SPATS2: variants seen among roughly 807,000 people sequenced by gnomAD.
SPATS2 encodes spermatogenesis associated serine rich 2.
Under a neutral mutation model 63.7 loss-of-function variants are expected in SPATS2, and 38 were observed. The observed-to-expected ratio is 0.60, with a 90% CI of 0.46 to 0.78. The LOEUF is 0.78. Among genes scored for constraint, SPATS2 ranks in the 30% least tolerant of loss-of-function variants. The pLI is 0.00. For synonymous variants in SPATS2, 207 were observed against 232.9 expected (o/e 0.89, Z 1.01); for missense variants, 588 against 666.2 (o/e 0.88, Z 1.29).
At chr12:49,430,322 G>A (rs1565717845) in intron 2 of SPATS2, among the ~76,000 whole-genome samples, 1 of 151,474 alleles carries the variant, frequency 6.6e-6, no homozygotes, top group African/African-American at 2.4e-5. Flanking sequence ...GGCTGGTCTC[G>A]AACCCCTGAC....
At position 49,526,176 on chromosome 12, in the gene SPATS2, G is replaced by C. The variant is rs1947031571; in HGVS notation, c.1559G>C (p.Ser520Thr). 1.2e-6 allele frequency: 2 copies of C among 1,614,044 alleles called. No individual in the cohort carries two copies. Among genetic ancestry groups the C allele is most frequent in the South Asian group, 2.2e-5 (2 of 91,084 alleles). ...GGAACTGGAGTCAGCATGGAGCCCA[G>C]CCCTCCCACGCCTTCATTCAAAAAG... ...TNGTGVSMEP[S>T]PPTPSFKKGL... The change falls in exon 14 of 14, where the codon AGC becomes ACC. Residue 520 changes from serine to threonine, a missense_variant. Ser to Thr is a moderately conservative substitution (Grantham distance 58, BLOSUM62 1). Transcript: ENST00000552918.
chr12:49,526,289 C>T lies in SPATS2; in HGVS notation c.*34C>T, dbSNP rs1947034994. On this transcript the variant is annotated 3_prime_UTR_variant, in exon 14 of 14. Coordinates refer to ENST00000552918, the MANE Select transcript of SPATS2 (RefSeq NM_023071.4). ...CCAGTTGGCCTCTCTCCTCTATCCA[C>T]ACAATTCAACTTGATAACTGGACTT... The T allele has an allele frequency of 6.5e-7, 1 of 1,547,768 alleles. No homozygotes were observed. The highest frequency in any genetic ancestry group is 8.7e-7 in the Non-Finnish European group (1 of 1,149,986).
intron 2 of SPATS2, among the ~76,000 whole-genome samples, chr12:49,427,230 C>T (rs934728195): frequency 1.3e-5 from 2 of 152,148 alleles, no homozygotes; most frequent in African/African-American, 4.8e-5. Context: ...AAATAGTTAT[C>T]AAATATATAT....
In SPATS2 at chr12:49,469,401, AAAAAAAAAAAAAG is replaced by A. The variant is rs571486814; in HGVS notation, c.25+8365_25+8377del. Reference sequence around the variant, plus strand: ...TGAGACTCTGTCTCAAAAAAAAAAAAAAAAAAAAAAAAGCCAGGCATGGTGGTGTGTGCCTGTA... The same window carrying A: ...TGAGACTCTGTCTCAAAAAAAAAAAACCAGGCATGGTGGTGTGTGCCTGTA... On this transcript the variant is annotated intron_variant, in intron 3 of 13. Transcript: ENST00000552918. 523 of 261,014 alleles carry A rather than the reference AAAAAAAAAAAAAG, an allele frequency of 2.0e-3. 2 individuals are homozygous for A. Among genetic ancestry groups the A allele is most frequent in the South Asian group, 0.018 (486 of 27,518 alleles). 16.2% of individuals were successfully genotyped at this position (261,014 alleles called of 1,614,324 possible).
Position 49,494,866 on chromosome 12 carries a change from T to C in SPATS2, c.390T>C (p.Asn130=), listed in dbSNP as rs1946438906. The C allele has an allele frequency of 1.2e-6, 2 of 1,614,050 alleles. No individual in the cohort carries two copies. The highest frequency in any genetic ancestry group is 2.2e-5 in the East Asian group (1 of 44,880). Residue 130 remains asparagine, a synonymous_variant, in exon 7 of 14, where the codon AAT becomes AAC. Transcript: ENST00000552918. ...CTTCCTCAGAGAAAGGTGGTATGAATGGCTACCATGTCAATGGTGCCATCA... is the reference window on the plus strand; with the variant it reads ...CTTCCTCAGAGAAAGGTGGTATGAACGGCTACCATGTCAATGGTGCCATCA... ...SAPSSEKGGM[N]GYHVNGAIND...
chr12:49,518,231 C>A (rs889998352), intron 10 of SPATS2, among the ~76,000 whole-genome samples: 2 of 152,194 alleles, frequency 1.3e-5, no homozygotes, highest in Admixed American at 1.3e-4. Context: ...ATAGCAGAGT[C>A]CCTTCCCTGG....
Position 49,525,927 on chromosome 12 carries a change from T to C in SPATS2, c.1327-17T>C. 1 of 1,608,936 alleles carries C rather than the reference T, an allele frequency of 6.2e-7. No individual in the cohort carries two copies. Among genetic ancestry groups the C allele is most frequent in the Non-Finnish European group, 8.5e-7 (1 of 1,177,002 alleles). On this transcript the variant is annotated splice_polypyrimidine_tract_variant and intron_variant, in intron 13 of 13. Transcript: ENST00000552918. The stretch of plus-strand genomic sequence containing the variant: ...TAATGCTAGAGCACCTTGAACATTG[T>C]ATTCTTTCATCTTTAGGTATTGCCA...
chr12:49,503,849 A>C (rs1946610736), intron 9 of SPATS2, among the ~76,000 whole-genome samples: 1 of 152,200 alleles, frequency 6.6e-6, no homozygotes. Context: ...GAACCCAGCC[A>C]GGAGGAGCCT....
chr12:49,479,202 T>A (rs989035712), intron 3 of SPATS2, among the ~76,000 whole-genome samples: 3 of 152,192 alleles, frequency 2.0e-5, no homozygotes, highest in African/African-American at 4.8e-5. Context: ...TGGGCGGGCC[T>A]GGAAAAGGCA....
chr12:49,506,805 C>T (rs182906851), intron 9 of SPATS2, among the ~76,000 whole-genome samples: 4 of 151,256 alleles, frequency 2.6e-5, no homozygotes, highest in South Asian at 2.1e-4. Flanking sequence ...TGTACTCCCA[C>T]GCTGGGTGAC....
chr12:49,433,783 G>A (rs893499941), intron 2 of SPATS2, among the ~76,000 whole-genome samples: 15 of 152,138 alleles, frequency 9.9e-5, no homozygotes, highest in Non-Finnish European at 7.4e-5. Flanking sequence ...GAAGTTTTAA[G>A]TTTAATGTAA....
intron 3 of SPATS2, chr12:49,463,590 A>G (rs1284056705): frequency 6.6e-6 from 1 of 152,224 alleles, no homozygotes; most frequent in Admixed American, 6.5e-5. Context: ...ATTTGGTCCC[A>G]TGACATATAA....
chr12:49,437,044 C>G (rs1266509553), intron 2 of SPATS2, among the ~76,000 whole-genome samples: 4 of 151,826 alleles, frequency 2.6e-5, no homozygotes, highest in African/African-American at 9.7e-5. Context: ...GGGTGGCTGC[C>G]GGGTGGAGAC....
chr12:49,375,546 A>C (rs1004110754), intron 2 of SPATS2, among the ~76,000 whole-genome samples: 16 of 152,106 alleles, frequency 1.1e-4, no homozygotes, highest in Non-Finnish European at 1.6e-4. Context: ...AAATGATTCA[A>C]AATGTACATT....
Position 49,460,674 on chromosome 12 carries a change from A to G in SPATS2, c.-243-96A>G, listed in dbSNP as rs187575557. ...TAGTACTTAAAAACTAGTTTTGTAT[A>G]CAGAAATACAAAAGAAACCTTGTGG... On this transcript the variant is annotated intron_variant, in intron 2 of 13. Transcript: ENST00000552918. 78 of 259,106 alleles carry G rather than the reference A, an allele frequency of 3.0e-4. 1 individual carries two copies. Among genetic ancestry groups the G allele is most frequent in the Middle Eastern group, 2.5e-3 (2 of 804 alleles). 16.1% of individuals were successfully genotyped at this position (259,106 alleles called of 1,614,324 possible).
chr12:49,375,189 TGTG>T (rs1944077320), intron 2 of SPATS2, among the ~76,000 whole-genome samples: 1 of 72,800 alleles, frequency 1.4e-5, no homozygotes, highest in Admixed American at 1.2e-4. Context: ...TGTGTGTGTG[TGTG>T]TGTGGTGGTA....
chr12:49,481,231 G>A (rs544327095), intron 3 of SPATS2, among the ~76,000 whole-genome samples: 206 of 152,168 alleles, frequency 1.4e-3, no homozygotes, highest in Non-Finnish European at 2.7e-3. Context: ...GTGGTAGCGC[G>A]TGCCTGTAAT....
At chr12:49,504,444 A>G (rs1439737612) in intron 9 of SPATS2, among the ~76,000 whole-genome samples, 1 of 152,194 alleles carries the variant, frequency 6.6e-6, no homozygotes, top group Non-Finnish European at 1.5e-5. Context: ...GTTTAAGGAT[A>G]TTAAGGAGGC....
At chr12:49,376,406 A>T (rs114976554) in intron 2 of SPATS2, among the ~76,000 whole-genome samples, 1,892 of 150,686 alleles carry the variant, frequency 0.013, 41 homozygotes, top group African/African-American at 0.037. Flanking sequence ...CCCGCCCCTG[A>T]TTTTTTTTAA....
Sources: allele counts gnomAD v4.1 joint callset (sites outside exome capture counted in the v4.1 genomes callset), GRCh38; gene constraint gnomAD v4.1.1; transcripts MANE v1.5; gene names NCBI Gene and HGNC (gene_info 2026-07-23, HGNC 2026-07-21).